The following BABAM1 variants were observed in gnomAD, a reference collection of about 807,000 sequenced individuals.
The protein encoded by BABAM1 is BRISC and BRCA1-A complex member 1.
A neutral mutation model predicts 34.4 loss-of-function variants in BABAM1; 14 were observed. The observed-to-expected ratio is 0.41, with a 90% confidence interval of 0.27 to 0.64. BABAM1 has a LOEUF of 0.64. BABAM1 is among the 30% of genes least tolerant of loss of function. BABAM1 has a pLI of 0.34. For synonymous variants in BABAM1, 169 were observed against 165.8 expected (o/e 1.02, Z -0.15); for missense variants, 393 against 434.0 (o/e 0.91, Z 0.84).
rs991521150 is a variant in BABAM1, at chr19:17,273,146, G to C, written c.345-758G>C. Among the ~76,000 whole-genome samples, 5 of 152,218 alleles carry C rather than the reference G, an allele frequency of 3.3e-5. No homozygotes were observed. The East Asian group carries it at 9.6e-4, about 29-fold the overall frequency. On this transcript the variant is annotated intron_variant, in intron 3 of 8. Transcript: ENST00000598188. ...AAGAAGCAAAGTGACTTGCTCAAGG[G>C]CTCAGAGTAATGGGGCAGAGCCAGG... is the stretch of plus-strand genomic sequence containing the variant.
rs764180678 is a variant in BABAM1 at position 17,268,815 on chromosome 19, G to A, written c.9G>A (p.Val3=). Residue 3 remains valine, a synonymous_variant, in exon 2 of 9, where the codon GTG becomes GTA. Transcript: ENST00000598188. ME[V]AEPSSPTEEE... ...CTAGCCACACAGGAGCCATGGAAGTGGCAGAGCCCAGCAGCCCCACTGAAG... is the reference window on the plus strand; with the variant it reads ...CTAGCCACACAGGAGCCATGGAAGTAGCAGAGCCCAGCAGCCCCACTGAAG... 119 of 1,603,840 alleles carry A rather than the reference G, an allele frequency of 7.4e-5. No individual in the cohort carries two copies. Among genetic ancestry groups the A allele is most frequent in the Non-Finnish European group, 1.0e-4 (117 of 1,173,836 alleles).
chr19:17,276,998 C>A, intron 8 of BABAM1, 89 bp downstream of exon 8: 2 of 1,232,102 alleles, frequency 1.6e-6, no homozygotes, highest in South Asian at 1.3e-5. Flanking sequence ...GTCTCTACCT[C>A]CATTTGATAC....
chr19:17,272,880 C>T (rs966356189), intron 3 of BABAM1, among the ~76,000 whole-genome samples: 4 of 151,870 alleles, frequency 2.6e-5, no homozygotes, highest in Non-Finnish European at 5.9e-5. Context: ...TAGCTGGGCA[C>T]GGTGGTGCGT....
intron 1 of BABAM1, among the ~76,000 whole-genome samples, chr19:17,268,325 G>A (rs1448933169): frequency 1.3e-5 from 2 of 151,882 alleles, no homozygotes; most frequent in African/African-American, 4.8e-5. Flanking sequence ...GCTGAGAGGT[G>A]TAAAAGGCAG....
chr19:17,275,946 G>T lies in BABAM1; in HGVS notation c.569+121G>T, dbSNP rs1599498783. On this transcript the variant is annotated intron_variant, in intron 6 of 8. Coordinates refer to ENST00000598188, the MANE Select transcript of BABAM1 (RefSeq NM_014173.4). ...TTAAAGCCTCCTCCCTTCCTACCTC[G>T]CCCCGAGCAATTCCTCATTTATGTG... 3 of 1,131,864 alleles carry T rather than the reference G, an allele frequency of 2.7e-6. No homozygotes were observed. In the East Asian group the frequency reaches 7.1e-5, roughly 27 times the overall value. The allele number at this position is 1,131,864 out of a possible 1,614,324, so 70.1% of individuals were successfully genotyped here.
Position 17,279,050 on chromosome 19 carries a change from C to T in BABAM1, c.*2C>T, listed in dbSNP as rs762577423. 10 of 1,609,160 alleles carry T rather than the reference C, an allele frequency of 6.2e-6. No individual in the cohort carries two copies. The highest frequency in any genetic ancestry group is 8.5e-6 in the Non-Finnish European group (10 of 1,177,826). On this transcript the variant is annotated 3_prime_UTR_variant, in exon 9 of 9. Transcript: ENST00000598188. ...ATTGAGGTTGAGGCCACTGTCTGAACCATCCCTGTACATCTGCACCTTCTT... is the reference window on the plus strand; with the variant it reads ...ATTGAGGTTGAGGCCACTGTCTGAATCATCCCTGTACATCTGCACCTTCTT...
intron 8 of BABAM1, chr19:17,277,197 T>G: frequency 3.9e-6 from 1 of 259,288 alleles, no homozygotes; most frequent in Non-Finnish European, 6.7e-6. Flanking sequence ...CTTTTCTTTC[T>G]TCTTCTTTTT....
At chr19:17,275,938 C>A in intron 6 of BABAM1, 113 bp downstream of exon 6, 1 of 1,203,024 alleles carries the variant, frequency 8.3e-7, no homozygotes, top group Non-Finnish European at 1.2e-6. Context: ...CTCCTCCCTT[C>A]CTACCTCGCC....
rs749387150 is a variant in BABAM1 at position 17,274,175 on chromosome 19, T to G, written c.534T>G (p.Cys178Trp). 1.2e-6 allele frequency: 2 copies of G among 1,613,022 alleles called. No homozygotes were observed. The highest frequency in any genetic ancestry group is 3.3e-5 in the Admixed American group (2 of 60,012). ...TCTATGATCTGGAGACGGCCTCCTGTTCCACCTTCAGTATCCTTCCTGGCA... is the reference window on the plus strand; with the variant it reads ...TCTATGATCTGGAGACGGCCTCCTGGTCCACCTTCAGTATCCTTCCTGGCA... Reference protein sequence around the residue: ...SCLYDLETASCSTFNLEGLFS... With the variant: ...SCLYDLETASWSTFNLEGLFS... Residue 178 changes from cysteine (C) to tryptophan (W), a missense_variant, in exon 5 of 9, where the codon TGT becomes TGG. Cys to Trp is a radical substitution (Grantham distance 215). Transcript: ENST00000598188.
chr19:17,270,344 G>C (rs573535856), intron 2 of BABAM1, among the ~76,000 whole-genome samples: 5 of 151,914 alleles, frequency 3.3e-5, no homozygotes, highest in Non-Finnish European at 7.4e-5. Context: ...CACCGCGCCT[G>C]GCTGTCTTTG....
intron 2 of BABAM1, among the ~76,000 whole-genome samples, chr19:17,269,348 CTT>C (rs71334696): frequency 1.2e-4 from 15 of 123,008 alleles, no homozygotes; most frequent in South Asian, 7.5e-4. Context: ...TTTTGTCTGT[CTT>C]TTTTTTTTTT....
intron 6 of BABAM1, 185 bp from the exon 7 acceptor site, chr19:17,276,310 G>T (rs891638026): frequency 2.0e-5 from 16 of 818,894 alleles, no homozygotes; most frequent in Non-Finnish European, 3.0e-5. Flanking sequence ...ACTTAGAGGG[G>T]TGGGGCTGGG....
chr19:17,273,848 C>G (rs1599495642), intron 3 of BABAM1, 56 bp from the exon 4 acceptor site: 1 of 1,535,104 alleles, frequency 6.5e-7, no homozygotes, highest in Non-Finnish European at 8.8e-7. Context: ...CAGGCGTGAG[C>G]CACTGTGCCC....
chr19:17,278,409 C>T (rs557170303), intron 8 of BABAM1, among the ~76,000 whole-genome samples: 27 of 151,150 alleles, frequency 1.8e-4, no homozygotes, highest in African/African-American at 5.6e-4. Context: ...CCCGGGTTTG[C>T]GCCATTCTCC....
Sources: gnomAD v4.1 joint callset for allele counts (sites outside exome capture counted in the v4.1 genomes callset) on GRCh38, gnomAD v4.1.1 for gene constraint, MANE v1.5 for transcripts, NCBI Gene and HGNC (gene_info 2026-07-23, HGNC 2026-07-21) for gene names.